Variants in CTNNA2 observed in about 807,000 individuals in gnomAD.
The protein encoded by CTNNA2 is catenin alpha-2.
CTNNA2 carries 42 observed loss-of-function variants against 101.0 expected under a neutral mutation model. The observed-to-expected ratio is 0.42, with a 90% CI of 0.32 to 0.54. The LOEUF is 0.54. Among genes scored for constraint, CTNNA2 ranks in the 20% least tolerant of loss-of-function variants. The pLI is 0.14. For missense variants in CTNNA2, 871 were observed against 1,223.1 expected, an observed-to-expected ratio of 0.71 and a Z score of 4.29; for synonymous variants, 450 against 456.4, an observed-to-expected ratio of 0.99 and a Z score of 0.18.
chr2:80,170,181 G>C (rs1218733635), intron 7 of CTNNA2, among the ~76,000 whole-genome samples: 1 of 150,222 alleles, frequency 6.7e-6, no homozygotes, highest in Non-Finnish European at 1.5e-5. Flanking sequence ...TCTTAGTTCT[G>C]CCTGCTTGTC....
In CTNNA2 at chr2:80,322,607, G is replaced by C. The variant is rs1204346786; in HGVS notation, c.1057-70604G>C. On this transcript the variant is annotated intron_variant, in intron 7 of 18. Coordinates refer to ENST00000402739, the MANE Select transcript of CTNNA2 (RefSeq NM_001282597.3). ...GGGCCCCAAGCGCCAGCCTGGCCCC[G>C]GCGCAGATGCGCTGCCCCGGCCGCA... Among the ~76,000 whole-genome samples, 5 of 151,742 alleles carry C rather than the reference G, an allele frequency of 3.3e-5. No homozygotes were observed. The East Asian group carries it at 9.7e-4, about 30-fold the overall frequency.
At chr2:79,399,365 C>T (rs925781066) in intron 4 of CTNNA2, among the ~76,000 whole-genome samples, 1 of 152,078 alleles carries the variant, frequency 6.6e-6, no homozygotes, top group African/African-American at 2.4e-5. Context: ...ACTAAGCTCT[C>T]ATTGCTATCA....
chr2:80,124,407 T>C (rs1573152587), intron 7 of CTNNA2, among the ~76,000 whole-genome samples: 2 of 152,146 alleles, frequency 1.3e-5, no homozygotes, highest in Non-Finnish European at 2.9e-5. Flanking sequence ...ATTTTACCAG[T>C]GAAGACATTG....
chr2:80,428,869 AT>A (rs1681230175), intron 9 of CTNNA2, among the ~76,000 whole-genome samples: 1 of 152,118 alleles, frequency 6.6e-6, no homozygotes, highest in Non-Finnish European at 1.5e-5. Context: ...CATTGATGGA[AT>A]TGGACCTCCA....
At chr2:80,482,338 G>C (rs1048242721) in intron 9 of CTNNA2, among the ~76,000 whole-genome samples, 13 of 152,088 alleles carry the variant, frequency 8.5e-5, no homozygotes, top group African/African-American at 3.1e-4. Flanking sequence ...GGTAATTACA[G>C]GAGTACAGTT....
At chr2:79,793,888 GCACACACACA>G (rs71385299) in intron 3 of CTNNA2, among the ~76,000 whole-genome samples, 1 of 142,622 alleles carries the variant, frequency 7.0e-6, no homozygotes, top group Non-Finnish European at 1.5e-5. Flanking sequence ...ACACACTCAT[GCACACACACA>G]CACACACACA....
At chr2:79,737,488 C>A (rs1043332246) in intron 2 of CTNNA2, among the ~76,000 whole-genome samples, 3 of 152,086 alleles carry the variant, frequency 2.0e-5, no homozygotes, top group Admixed American at 2.0e-4. Flanking sequence ...ATGCCTAAGC[C>A]CAGACTTACC....
upstream of CTNNA2, among the ~76,000 whole-genome samples, chr2:79,508,976 T>C (rs1671473632): frequency 8.8e-5 from 3 of 34,052 alleles, no homozygotes; most frequent in Admixed American, 7.3e-4. Context: ...TATATATATA[T>C]ATATATATAT....
At chr2:80,295,210 G>A (rs1222686630) in intron 7 of CTNNA2, among the ~76,000 whole-genome samples, 1 of 147,422 alleles carries the variant, frequency 6.8e-6, no homozygotes, top group Non-Finnish European at 1.5e-5. Context: ...ATGTCATTTT[G>A]AGAGTCCTGA....
intron 2 of CTNNA2, among the ~76,000 whole-genome samples, chr2:79,248,374 A>G (rs567621000): frequency 1.3e-5 from 2 of 151,312 alleles, no homozygotes; most frequent in East Asian, 3.9e-4. Context: ...AACCTAATAT[A>G]TCAAAAAAGT....
intron 1 of CTNNA2, among the ~76,000 whole-genome samples, chr2:79,196,374 A>C (rs1673961619): frequency 6.6e-6 from 1 of 152,172 alleles, no homozygotes; most frequent in African/African-American, 2.4e-5. Flanking sequence ...CTGCCATTGA[A>C]AAAAATCAAT....
chr2:79,536,787 TA>T (rs1455908432), intron 1 of CTNNA2, among the ~76,000 whole-genome samples: 1 of 132,422 alleles, frequency 7.6e-6, no homozygotes. Context: ...CTGCAACCTC[TA>T]CCCCCCGGGT....
chr2:79,490,005 G>T (rs1302342034), intron 4 of CTNNA2, among the ~76,000 whole-genome samples: 1 of 152,058 alleles, frequency 6.6e-6, no homozygotes, highest in Admixed American at 6.6e-5. Context: ...CTGTTTGCTT[G>T]CTTAATATTC....
intron 6 of CTNNA2, among the ~76,000 whole-genome samples, chr2:79,881,235 T>C (rs946828022): frequency 1.3e-5 from 2 of 152,208 alleles, no homozygotes; most frequent in Admixed American, 6.5e-5. Flanking sequence ...TCCAATTATG[T>C]GGTCAATTTT....
At chr2:80,143,014 TG>T (rs1703109626) in intron 7 of CTNNA2, among the ~76,000 whole-genome samples, 2 of 152,192 alleles carry the variant, frequency 1.3e-5, no homozygotes, top group Non-Finnish European at 2.9e-5. Context: ...TTCTCTCTCT[TG>T]GACAACCTTG....
chr2:79,772,328 C>T (rs1216432875), intron 3 of CTNNA2, among the ~76,000 whole-genome samples: 1 of 152,172 alleles, frequency 6.6e-6, no homozygotes, highest in Non-Finnish European at 1.5e-5. Context: ...TGTCTGTGTT[C>T]CCACAGCTTG....
chr2:79,930,294 GAGAAAGAA>G (rs764326702), intron 7 of CTNNA2, among the ~76,000 whole-genome samples: 16,704 of 121,668 alleles, frequency 0.14, 1,271 homozygotes, highest in Admixed American at 0.17. Flanking sequence ...GAGAGAGAAA[GAGAAAGAA>G]AGAAAGAAAG....
chr2:80,171,771 G>A (rs1030225440), intron 7 of CTNNA2, among the ~76,000 whole-genome samples: 6 of 152,118 alleles, frequency 3.9e-5, no homozygotes, highest in African/African-American at 1.4e-4. Flanking sequence ...CAGTCACATG[G>A]CCACACCTAG....
rs1331325996 is a variant in CTNNA2 at position 80,046,448 on chromosome 2, T to TAC, written c.1056+136652_1056+136653insCA. Among the ~76,000 whole-genome samples the TAC allele has an allele frequency of 4.6e-5, 7 of 152,216 alleles. 2 individuals are homozygous for TAC. Among genetic ancestry groups the TAC allele is most frequent in the African/African-American group, 1.7e-4 (7 of 41,546 alleles). On this transcript the variant is annotated intron_variant, in intron 7 of 18. Transcript: ENST00000402739. ...AGTATAATTGAAAAGAGGACAAAGGTAAGTATCCCCCCAAATAGCTCTCTT... is the reference window on the plus strand; with the variant it reads ...AGTATAATTGAAAAGAGGACAAAGGTACAAGTATCCCCCCAAATAGCTCTCTT...
Sources: gnomAD v4.1 joint callset for allele counts (sites outside exome capture counted in the v4.1 genomes callset) on GRCh38, gnomAD v4.1.1 for gene constraint, MANE v1.5 for transcripts, NCBI Gene and HGNC (gene_info 2026-07-23, HGNC 2026-07-21) for gene names.